ITIH5: variants seen among roughly 807,000 people sequenced by gnomAD.
The protein encoded by ITIH5 is inter-alpha-trypsin inhibitor heavy chain 5, also known as inter-alpha-trypsin inhibitor heavy chain H5.
A neutral mutation model predicts 77.5 loss-of-function variants in ITIH5; 65 were observed. The observed-to-expected ratio is 0.84, with a 90% confidence interval of 0.69 to 1.03. The LOEUF (loss-of-function observed/expected upper bound fraction) is 1.03, where lower values mean the gene tolerates loss of function less well. Ranked by LOEUF, ITIH5 falls within the 50% of genes least tolerant of loss-of-function variation. The pLI, the probability that ITIH5 is intolerant of heterozygous loss-of-function variation, is 0.00. For missense variants in ITIH5, 1,208 were observed against 1,213.1 expected, an observed-to-expected ratio of 1.00 and a Z score of 0.06; for synonymous variants, 525 against 494.3, an observed-to-expected ratio of 1.06 and a Z score of -0.82.
chr10:7,644,843 T>G (rs1246997059), intron 2 of ITIH5, among the ~76,000 whole-genome samples: 1 of 137,732 alleles, frequency 7.3e-6, no homozygotes, highest in Non-Finnish European at 1.5e-5. Context: ...ATATATCACA[T>G]ATATATCACA....
At chr10:7,590,095 A>G (rs1414980756) in intron 7 of ITIH5, among the ~76,000 whole-genome samples, 1 of 152,120 alleles carries the variant, frequency 6.6e-6, no homozygotes, top group Non-Finnish European at 1.5e-5. Context: ...CCGACCTGCC[A>G]ACCTTTTCTC....
At chr10:7,657,431 T>C (rs896028805) in intron 1 of ITIH5, among the ~76,000 whole-genome samples, 1 of 152,090 alleles carries the variant, frequency 6.6e-6, no homozygotes, top group African/African-American at 2.4e-5. Flanking sequence ...AATCTTTTAA[T>C]TTATAAATTC....
At chr10:7,605,648 G>T (rs1007812063) in intron 7 of ITIH5, among the ~76,000 whole-genome samples, 2 of 152,066 alleles carry the variant, frequency 1.3e-5, no homozygotes, top group Non-Finnish European at 2.9e-5. Context: ...AACCCAAGAA[G>T]TGGGGGGCTG....
At chr10:7,631,436 G>A (rs1032204439) in intron 5 of ITIH5, among the ~76,000 whole-genome samples, 2 of 152,178 alleles carry the variant, frequency 1.3e-5, no homozygotes, top group Admixed American at 6.5e-5. Flanking sequence ...AAGCCAGAGA[G>A]GGACTCAAGT....
intron 2 of ITIH5, among the ~76,000 whole-genome samples, chr10:7,650,458 G>C (rs898732093): frequency 6.6e-6 from 1 of 152,144 alleles, no homozygotes; most frequent in African/African-American, 2.4e-5. Context: ...ATACAGGGCC[G>C]GGCGTGGTGG....
intron 7 of ITIH5, among the ~76,000 whole-genome samples, chr10:7,600,373 T>G (rs143885023): frequency 4.7e-4 from 72 of 152,294 alleles, no homozygotes; most frequent in African/African-American, 1.6e-3. Context: ...TTCTAGGTAT[T>G]TTCCTTCAGT....
intron 2 of ITIH5, among the ~76,000 whole-genome samples, chr10:7,646,886 AT>A (rs1385606717): frequency 1.3e-5 from 2 of 152,156 alleles, no homozygotes; most frequent in African/African-American, 2.4e-5. Flanking sequence ...AAAAATCACA[AT>A]GCATTACTTC....
At chr10:7,644,921 TATCAC>T (rs1416019352) in intron 2 of ITIH5, among the ~76,000 whole-genome samples, 4 of 67,202 alleles carry the variant, frequency 6.0e-5, no homozygotes, top group African/African-American at 7.2e-5. Context: ...CACATATATA[TATCAC>T]ATATATATAT....
Position 7,562,998 on chromosome 10 carries a change from G to T in ITIH5, c.*85C>A. On this transcript the variant is annotated 3_prime_UTR_variant, in exon 14 of 14. Coordinates refer to ENST00000397146, the MANE Select transcript of ITIH5 (RefSeq NM_030569.7). ...GTCCAGCTAATTGCCAGGAGCTGAG[G>T]CGTGTACAAGCCATGAAAAGAGCTG... 1 of 1,192,598 alleles carries T rather than the reference G, an allele frequency of 8.4e-7. No individual in the cohort carries two copies. 73.9% of individuals were successfully genotyped at this position (1,192,598 alleles called of 1,614,324 possible).
intron 7 of ITIH5, among the ~76,000 whole-genome samples, chr10:7,595,432 T>TC (rs1832876133): frequency 6.6e-6 from 1 of 152,114 alleles, no homozygotes; most frequent in South Asian, 2.1e-4. Flanking sequence ...TTATCTAGAG[T>TC]CACAAAGGAT....
chr10:7,600,761 G>A (rs1043701905), intron 7 of ITIH5, among the ~76,000 whole-genome samples: 1 of 152,150 alleles, frequency 6.6e-6, no homozygotes, highest in African/African-American at 2.4e-5. Flanking sequence ...AGGTAATTAG[G>A]TCATGAAATT....
intron 7 of ITIH5, among the ~76,000 whole-genome samples, chr10:7,589,853 C>A (rs1344853838): frequency 6.6e-6 from 1 of 152,034 alleles, no homozygotes; most frequent in Non-Finnish European, 1.5e-5. Flanking sequence ...CCTTGAAACT[C>A]CTCCTGCTCT....
At chr10:7,617,946 C>T (rs1276506368) in intron 5 of ITIH5, 3 of 151,916 alleles carry the variant, frequency 2.0e-5, no homozygotes, top group African/African-American at 7.3e-5. Context: ...TGTGATAAAT[C>T]GCTGGTCATT....
chr10:7,658,104 T>C (rs1351193425), intron 1 of ITIH5, among the ~76,000 whole-genome samples: 2 of 152,216 alleles, frequency 1.3e-5, no homozygotes, highest in East Asian at 3.8e-4. Context: ...TGTAACATGA[T>C]CCCATTTTTG....
intron 5 of ITIH5, among the ~76,000 whole-genome samples, chr10:7,628,240 C>T (rs2131056421): frequency 6.6e-6 from 1 of 152,292 alleles, no homozygotes; most frequent in Non-Finnish European, 1.5e-5. Context: ...TCTTCATCAC[C>T]CCAAGGAAAC....
chr10:7,651,429 G>A (rs540975145), intron 2 of ITIH5, among the ~76,000 whole-genome samples: 30 of 151,986 alleles, frequency 2.0e-4, no homozygotes, highest in Admixed American at 1.3e-3. Flanking sequence ...CTAAAAATAC[G>A]AAAATTAGCC....
At chr10:7,653,035 A>G (rs1482106560) in intron 2 of ITIH5, among the ~76,000 whole-genome samples, 1 of 152,238 alleles carries the variant, frequency 6.6e-6, no homozygotes, top group African/African-American at 2.4e-5. Flanking sequence ...AGGGAAATGC[A>G]AGTTAAAGGA....
At chr10:7,578,699 C>T (rs1190444511) in intron 9 of ITIH5, 1 of 152,098 alleles carries the variant, frequency 6.6e-6, no homozygotes, top group Non-Finnish European at 1.5e-5. Flanking sequence ...ATAAATCTAC[C>T]CAAACCTCCC....
At chr10:7,622,208 C>A (rs1019535622) in intron 5 of ITIH5, 6 of 152,216 alleles carry the variant, frequency 3.9e-5, no homozygotes, top group African/African-American at 1.4e-4. Flanking sequence ...CCAGGGGGCT[C>A]TCTTCTTTTC....
Sources: gnomAD v4.1 joint callset for allele counts (sites outside exome capture counted in the v4.1 genomes callset) on GRCh38, gnomAD v4.1.1 for gene constraint, MANE v1.5 for transcripts, NCBI Gene and HGNC (gene_info 2026-07-23, HGNC 2026-07-21) for gene names.